The following SH3RF2 variants were observed in gnomAD, a reference collection of about 807,000 sequenced individuals.
SH3RF2 encodes E3 ubiquitin-protein ligase SH3RF2.
Under a neutral mutation model 59.0 loss-of-function variants are expected in SH3RF2, and 43 were observed. That is an observed-to-expected ratio of 0.73 (90% CI 0.57 to 0.94). The LOEUF is 0.94. Ranked by LOEUF, SH3RF2 falls within the 40% of genes least tolerant of loss-of-function variation. The pLI, the probability that SH3RF2 is intolerant of heterozygous loss-of-function variation, is 0.00. For missense variants in SH3RF2, 930 were observed against 940.1 expected (o/e 0.99, Z 0.14); for synonymous variants, 391 against 391.5 (o/e 1.00, Z 0.01).
At chr5:146,051,101 G>A (rs774214362) in intron 7 of SH3RF2, among the ~76,000 whole-genome samples, 7 of 152,178 alleles carry the variant, frequency 4.6e-5, no homozygotes, top group Non-Finnish European at 1.0e-4. Flanking sequence ...CAGACGTGGT[G>A]GTGGACACCT....
intron 2 of SH3RF2, among the ~76,000 whole-genome samples, chr5:145,975,536 C>G (rs900709735): frequency 6.6e-6 from 1 of 152,216 alleles, no homozygotes; most frequent in Non-Finnish European, 1.5e-5. Context: ...CTAGCTCCCA[C>G]CCCAGCTGTC....
intron 2 of SH3RF2, among the ~76,000 whole-genome samples, chr5:145,999,560 T>C (rs1232975595): frequency 1.3e-5 from 2 of 152,174 alleles, no homozygotes; most frequent in African/African-American, 4.8e-5. Flanking sequence ...CTTGAAAATT[T>C]GTAGGCAATT....
chr5:145,969,643 G>A (rs1216316053), intron 2 of SH3RF2, among the ~76,000 whole-genome samples: 1 of 152,030 alleles, frequency 6.6e-6, no homozygotes, highest in East Asian at 1.9e-4. Context: ...ACTGAGGCTG[G>A]AGGATTGCTT....
intron 5 of SH3RF2, among the ~76,000 whole-genome samples, chr5:146,021,673 G>A (rs1761324564): frequency 6.6e-6 from 1 of 152,188 alleles, no homozygotes; most frequent in South Asian, 2.1e-4. Flanking sequence ...ACAGGCAGGT[G>A]GCTGAAAGCA....
At chr5:145,985,273 A>G (rs17104168) in intron 2 of SH3RF2, among the ~76,000 whole-genome samples, 19,397 of 152,238 alleles carry the variant, frequency 0.13, 1,390 homozygotes, top group East Asian at 0.26. Context: ...TGGTATCACA[A>G]AATTAAACTG....
chr5:145,937,416 G>A (rs1375234632), intron 1 of SH3RF2, among the ~76,000 whole-genome samples: 1 of 152,256 alleles, frequency 6.6e-6, no homozygotes, highest in East Asian at 1.9e-4. Flanking sequence ...TTAGGGGAAG[G>A]AGGAGGAGGA....
At chr5:146,029,507 G>A (rs11743632) in intron 5 of SH3RF2, among the ~76,000 whole-genome samples, 50,544 of 152,070 alleles carry the variant, frequency 0.33, 8,900 homozygotes, top group Non-Finnish European at 0.39. Context: ...CCCATCATCT[G>A]AGACTCGGTG....
At chr5:145,997,762 G>T in intron 2 of SH3RF2, 4 of 1,574,706 alleles carry the variant, frequency 2.5e-6, no homozygotes, top group Non-Finnish European at 2.6e-6. Context: ...ACAAAAAGCA[G>T]CAAAAAAAGA....
intron 7 of SH3RF2, among the ~76,000 whole-genome samples, chr5:146,053,363 A>T (rs1217588328): frequency 6.6e-6 from 1 of 151,972 alleles, no homozygotes; most frequent in Non-Finnish European, 1.5e-5. Flanking sequence ...TCCAGCATCT[A>T]AATCCCCCTT....
chr5:145,967,537 AC>A (rs1212841968), intron 2 of SH3RF2, among the ~76,000 whole-genome samples: 2 of 152,206 alleles, frequency 1.3e-5, no homozygotes, highest in African/African-American at 4.8e-5. Flanking sequence ...TAGAATGTGA[AC>A]CCAGGTCTGC....
chr5:146,001,473 C>G (rs1760404020), intron 3 of SH3RF2, among the ~76,000 whole-genome samples: 1 of 152,186 alleles, frequency 6.6e-6, no homozygotes, highest in Non-Finnish European at 1.5e-5. Context: ...GCCGTGGAAC[C>G]TCAGAGCGAG....
chr5:146,052,551 C>A (rs2150017214), intron 7 of SH3RF2, among the ~76,000 whole-genome samples: 1 of 152,278 alleles, frequency 6.6e-6, no homozygotes, highest in East Asian at 1.9e-4. Context: ...AACCAACATT[C>A]TCAGGAAGAA....
At chr5:146,007,884 A>G (rs1295786840) in intron 4 of SH3RF2, among the ~76,000 whole-genome samples, 1 of 152,212 alleles carries the variant, frequency 6.6e-6, no homozygotes, top group African/African-American at 2.4e-5. Flanking sequence ...CAGCACTTAA[A>G]TTTTGACTCC....
chr5:146,030,358 C>A (rs1028243420), intron 5 of SH3RF2, among the ~76,000 whole-genome samples: 1 of 152,146 alleles, frequency 6.6e-6, no homozygotes, highest in Non-Finnish European at 1.5e-5. Flanking sequence ...GGTGACAAAC[C>A]CTAAACAGAT....
At chr5:146,036,938 G>T (rs541923350) in intron 5 of SH3RF2, among the ~76,000 whole-genome samples, 44 of 152,272 alleles carry the variant, frequency 2.9e-4, no homozygotes, top group South Asian at 2.1e-3. Flanking sequence ...CCCCACACTT[G>T]GGCTAAGCCA....
chr5:146,035,353 CT>C lies in SH3RF2; in HGVS notation c.1060-12410del, dbSNP rs11434546. Reference sequence around the variant, plus strand: ...CTTAGAAGGGATTTTTTTTAATTAACTTTTTTTTTAACTTTTTTTCATTCTG... The same window carrying C: ...CTTAGAAGGGATTTTTTTTAATTAACTTTTTTTTAACTTTTTTTCATTCTG... On this transcript the variant is annotated intron_variant, in intron 5 of 9. Transcript: ENST00000359120. 1.3e-3 allele frequency among the ~76,000 whole-genome samples: 200 copies of C among 151,034 alleles called. 1 individual carries two copies. Among genetic ancestry groups the C allele is most frequent in the African/African-American group, 4.3e-3 (176 of 41,124 alleles).
At chr5:146,078,514 A>G (rs1763375595) in exon 10 of SH3RF2, 1 of 152,238 alleles carries the variant, frequency 6.6e-6, no homozygotes, top group Non-Finnish European at 1.5e-5. Context: ...GATGCAGAAG[A>G]GAGCAAATGA....
At chr5:145,971,447 G>T (rs1759076183) in intron 2 of SH3RF2, among the ~76,000 whole-genome samples, 1 of 152,194 alleles carries the variant, frequency 6.6e-6, no homozygotes, top group African/African-American at 2.4e-5. Flanking sequence ...GAATGGCTCT[G>T]TACGGTGTCA....
At position 146,031,884 on chromosome 5, in the gene SH3RF2, CCCTT is replaced by C. The variant is rs373927398; in HGVS notation, c.1060-15885_1060-15882del. ...TTGGCTGGTGCATCCCCAGCACCAT[CCCTT>C]CCATGTGCCCCAGGTATATAAGACC... is the stretch of plus-strand genomic sequence containing the variant. On this transcript the variant is annotated intron_variant, in intron 5 of 9. Transcript: ENST00000359120. Among the ~76,000 whole-genome samples, 141 of 152,256 alleles carry C rather than the reference CCCTT, an allele frequency of 9.3e-4. 4 individuals are homozygous for C. The South Asian group carries it at 0.028, about 30-fold the overall frequency.
Sources: allele counts gnomAD v4.1 joint callset (sites outside exome capture counted in the v4.1 genomes callset), GRCh38; gene constraint gnomAD v4.1.1; transcripts MANE v1.5; gene names NCBI Gene and HGNC (gene_info 2026-07-23, HGNC 2026-07-21).